Variants in SLC9A2 observed in about 807,000 individuals in gnomAD.
SLC9A2 encodes solute carrier family 9 member A2.
A neutral mutation model predicts 71.7 loss-of-function variants in SLC9A2; 42 were observed. The ratio of observed to expected loss-of-function variants is 0.59; its 90% CI spans 0.46 to 0.76. The LOEUF (loss-of-function observed/expected upper bound fraction) is 0.76, where lower values mean the gene tolerates loss of function less well. Ranked by LOEUF, SLC9A2 falls within the 30% of genes least tolerant of loss-of-function variation. SLC9A2 has a pLI of 0.00. For missense variants in SLC9A2, 829 were observed against 1,017.4 expected, an observed-to-expected ratio of 0.81 and a Z score of 2.52; for synonymous variants, 396 against 392.5, an observed-to-expected ratio of 1.01 and a Z score of -0.10.
chr2:102,683,406 G>C lies in SLC9A2; in HGVS notation c.1150G>C (p.Gly384Arg). 1 of 1,614,170 alleles carries C rather than the reference G, an allele frequency of 6.2e-7. No individual in the cohort carries two copies. The highest frequency in any genetic ancestry group is 1.3e-5 in the African/African-American group (1 of 75,046). ...CATCTTCATGGGTGTGTCTACCGTG[G>C]GCAAGAACCACGAGTGGAACTGGGC... ...IFIFMGVSTV[G>R]KNHEWNWAFV... Residue 384 changes from glycine to arginine, a missense_variant, in exon 4 of 12, where the codon GGC (glycine) becomes CGC (arginine). Around this residue, in one of 3 missense-constraint regions of SLC9A2, gnomAD observed 500 missense variants for 726.3 expected, o/e 0.69. Transcript: ENST00000233969.
intron 2 of SLC9A2, among the ~76,000 whole-genome samples, chr2:102,662,398 A>G (rs1677065831): frequency 6.6e-6 from 1 of 152,058 alleles, no homozygotes; most frequent in Admixed American, 6.5e-5. Context: ...GAGAGGGAGG[A>G]AAAGAAGAAG....
chr2:102,668,999 G>T (rs995066726), intron 3 of SLC9A2, among the ~76,000 whole-genome samples: 7 of 152,192 alleles, frequency 4.6e-5, no homozygotes, highest in African/African-American at 1.4e-4. Context: ...TTTGGTTTGG[G>T]TTAAAAATGC....
intron 2 of SLC9A2, among the ~76,000 whole-genome samples, chr2:102,662,509 G>A (rs1438733794): frequency 6.6e-6 from 1 of 152,180 alleles, no homozygotes; most frequent in Non-Finnish European, 1.5e-5. Context: ...AATTTTCTGG[G>A]AGATCATCTG....
At chr2:102,652,181 G>T (rs2104515845) in intron 1 of SLC9A2, among the ~76,000 whole-genome samples, 1 of 152,144 alleles carries the variant, frequency 6.6e-6, no homozygotes, top group South Asian at 2.1e-4. Context: ...TAACTTATTG[G>T]GCAGCCTTGA....
intron 3 of SLC9A2, among the ~76,000 whole-genome samples, chr2:102,671,155 G>A (rs1677243970): frequency 6.6e-6 from 1 of 152,196 alleles, no homozygotes; most frequent in Non-Finnish European, 1.5e-5. Context: ...AGAGTTTACA[G>A]AGAAGGAAGC....
At chr2:102,704,867 A>G (rs113133064) in intron 10 of SLC9A2, among the ~76,000 whole-genome samples, 192 bp downstream of exon 10, 143 of 152,156 alleles carry the variant, frequency 9.4e-4, no homozygotes, top group Non-Finnish European at 1.5e-3. Flanking sequence ...CACTAGTTCA[A>G]GGAACTGTCA....
chr2:102,619,688 G>A lies in SLC9A2; in HGVS notation c.-161G>A, dbSNP rs1573391393. 1.8e-6 allele frequency: 1 copy of A among 555,846 alleles called. No individual in the cohort carries two copies. The allele number at this position is 555,846 out of a possible 1,614,324, so 34.4% of individuals were successfully genotyped here. A position where few individuals can be genotyped will look rare whatever the true frequency, so the allele number is the denominator to read the frequency against. On this transcript the variant is annotated 5_prime_UTR_variant, in exon 1 of 12. Coordinates refer to ENST00000233969, the MANE Select transcript of SLC9A2 (RefSeq NM_003048.6). The surrounding 1 kb of genome is among the most constrained non-coding windows in gnomAD (Gnocchi z 4.3). ...TGCGCCTGCTCGCAGCGAGGACCTA[G>A]CCCTCTGGTTGCAGAGACCCGGTGC...
intron 1 of SLC9A2, among the ~76,000 whole-genome samples, chr2:102,621,000 C>CA (rs1189149788): frequency 6.6e-6 from 1 of 151,396 alleles, no homozygotes; most frequent in South Asian, 2.1e-4. Flanking sequence ...ACTAAAAATA[C>CA]AAAAAAATTA....
In SLC9A2 at chr2:102,660,520, C is replaced by T. The variant is rs138766189; in HGVS notation, c.753+2493C>T. On this transcript the variant is annotated intron_variant, in intron 2 of 11. Transcript: ENST00000233969. Reference sequence around the variant, plus strand: ...TGTCTGAGTACTGTACTGAATTGAGCGTGTGTTAAGAATAATTAGAACAAT... The same window carrying T: ...TGTCTGAGTACTGTACTGAATTGAGTGTGTGTTAAGAATAATTAGAACAAT... 3.5e-3 allele frequency among the ~76,000 whole-genome samples: 537 copies of T among 152,260 alleles called. 1 individual carries two copies. Among genetic ancestry groups the T allele is most frequent in the African/African-American group, 0.012 (513 of 41,558 alleles).
At chr2:102,639,803 A>T (rs1676538604) in intron 1 of SLC9A2, among the ~76,000 whole-genome samples, 1 of 152,214 alleles carries the variant, frequency 6.6e-6, no homozygotes, top group South Asian at 2.1e-4. Flanking sequence ...ATCATACAGT[A>T]TTTGTTCTTC....
At chr2:102,672,840 A>G (rs1217581744) in intron 3 of SLC9A2, among the ~76,000 whole-genome samples, 1 of 152,164 alleles carries the variant, frequency 6.6e-6, no homozygotes, top group African/African-American at 2.4e-5. Context: ...AATAGTCAGT[A>G]TTCAAAACAT....
intron 3 of SLC9A2, among the ~76,000 whole-genome samples, chr2:102,679,757 GTA>G (rs1677415386): frequency 6.6e-6 from 1 of 152,150 alleles, no homozygotes; most frequent in Non-Finnish European, 1.5e-5. Context: ...CTTTTTGCCT[GTA>G]TGGTTTACTT....
chr2:102,682,767 T>A (rs908051383), intron 3 of SLC9A2, among the ~76,000 whole-genome samples: 1 of 152,120 alleles, frequency 6.6e-6, no homozygotes, highest in Non-Finnish European at 1.5e-5. Flanking sequence ...GTTGACCAAT[T>A]ATATGGCAGG....
chr2:102,699,027 G>A (rs935443900), intron 7 of SLC9A2, among the ~76,000 whole-genome samples: 1 of 152,148 alleles, frequency 6.6e-6, no homozygotes, highest in Admixed American at 6.5e-5. Flanking sequence ...TTCTGTGCTA[G>A]GAGACAGAAA....
In SLC9A2 at chr2:102,711,293, T is replaced by G. The variant is rs1167253687; in HGVS notation, c.*2804T>G. 6.6e-6 allele frequency: 1 copy of G among 152,370 alleles called. No individual in the cohort carries two copies. Among genetic ancestry groups the G allele is most frequent in the Admixed American group, 6.5e-5 (1 of 15,280 alleles). 9.4% of individuals were successfully genotyped at this position (152,370 alleles called of 1,614,324 possible). ...TGTACTTTCTTCTTAAAAACGTGAT[T>G]AAAGAGATCACTTTGTCCGGATGAA... On this transcript the variant is annotated 3_prime_UTR_variant, in exon 12 of 12. Transcript: ENST00000233969.
chr2:102,666,356 G>A (rs1229917833), intron 3 of SLC9A2, among the ~76,000 whole-genome samples: 3 of 151,818 alleles, frequency 2.0e-5, no homozygotes, highest in African/African-American at 2.4e-5. Flanking sequence ...CCACCACACC[G>A]GGCTAATTTT....
intron 1 of SLC9A2, among the ~76,000 whole-genome samples, chr2:102,635,397 G>A (rs1433990581): frequency 1.3e-5 from 2 of 152,238 alleles, no homozygotes; most frequent in African/African-American, 4.8e-5. Flanking sequence ...GAGTATGGAA[G>A]ATGCTGACTC....
chr2:102,642,481 T>G (rs542424862), intron 1 of SLC9A2, among the ~76,000 whole-genome samples: 6 of 152,208 alleles, frequency 3.9e-5, no homozygotes, highest in Non-Finnish European at 8.8e-5. Context: ...CACTGGTGAA[T>G]TTTTGAATAT....
chr2:102,656,689 A>G (rs1439171118), intron 1 of SLC9A2, among the ~76,000 whole-genome samples: 3 of 152,230 alleles, frequency 2.0e-5, no homozygotes, highest in Non-Finnish European at 2.9e-5. Context: ...AAATAAATAA[A>G]TTGCCAATGT....
Sources: allele counts gnomAD v4.1 joint callset (sites outside exome capture counted in the v4.1 genomes callset), GRCh38; gene constraint gnomAD v4.1.1; regional missense constraint gnomAD v4.1.1; non-coding constraint Gnocchi (gnomAD v3.1); transcripts MANE v1.5; gene names NCBI Gene and HGNC (gene_info 2026-07-23, HGNC 2026-07-21).